Variants in MAPK10 observed in about 807,000 individuals in gnomAD.
MAPK10 encodes JNK3 alpha protein kinase.
Under a neutral mutation model 59.3 loss-of-function variants are expected in MAPK10, and 25 were observed. The ratio of observed to expected loss-of-function variants is 0.42; its 90% CI spans 0.31 to 0.59. The LOEUF is 0.59. Among genes scored for constraint, MAPK10 ranks in the 20% least tolerant of loss-of-function variants. MAPK10 has a pLI of 0.15. For missense variants in MAPK10, 351 were observed against 568.9 expected (o/e 0.62, Z 3.90); for synonymous variants, 190 against 200.5 (o/e 0.95, Z 0.44).
chr4:86,112,142 C>A (rs2057583752), intron 4 of MAPK10, among the ~76,000 whole-genome samples: 1 of 86,708 alleles, frequency 1.2e-5, no homozygotes, highest in Non-Finnish European at 2.7e-5. Flanking sequence ...ATTTTATTAA[C>A]TTTTCCAAAA....
chr4:86,019,821 T>G (rs1000343732), intron 13 of MAPK10, among the ~76,000 whole-genome samples: 1 of 152,226 alleles, frequency 6.6e-6, no homozygotes, highest in Non-Finnish European at 1.5e-5. Context: ...TCTTACTATT[T>G]GTCTGCTGGA....
intron 11 of MAPK10, among the ~76,000 whole-genome samples, chr4:86,054,808 T>C (rs1304377635): frequency 1.3e-5 from 2 of 152,108 alleles, no homozygotes; most frequent in Non-Finnish European, 2.9e-5. Context: ...TGGGTCACAC[T>C]AGCTTTTTCA....
intron 1 of MAPK10, among the ~76,000 whole-genome samples, chr4:86,565,194 T>C (rs1184672761): frequency 6.6e-6 from 1 of 152,170 alleles, no homozygotes; most frequent in Non-Finnish European, 1.5e-5. Context: ...GAATTCACTT[T>C]TAAAAACAGC....
intron 2 of MAPK10, among the ~76,000 whole-genome samples, chr4:86,353,338 T>C (rs538354983): frequency 2.0e-5 from 3 of 152,284 alleles, no homozygotes; most frequent in African/African-American, 7.2e-5. Flanking sequence ...ACATTCTACC[T>C]ACATCACAGA....
intron 1 of MAPK10, among the ~76,000 whole-genome samples, chr4:86,423,770 C>CATATATATATATATATATATATATATAT (rs539111577): frequency 2.2e-5 from 2 of 91,614 alleles, no homozygotes; most frequent in African/African-American, 7.7e-5. Flanking sequence ...GATATATATA[C>CATATATATATATATATATATATATATAT]ATATATATAT....
At chr4:86,548,058 G>A (rs1759391952) in intron 1 of MAPK10, among the ~76,000 whole-genome samples, 1 of 152,128 alleles carries the variant, frequency 6.6e-6, no homozygotes, top group African/African-American at 2.4e-5. Context: ...CCACACTGTG[G>A]AATCTTGGTT....
intron 1 of MAPK10, among the ~76,000 whole-genome samples, chr4:86,522,268 A>G (rs1168384614): frequency 6.6e-6 from 1 of 152,200 alleles, no homozygotes; most frequent in Non-Finnish European, 1.5e-5. Flanking sequence ...GTAGGTGTCA[A>G]GAATGATGGG....
chr4:86,477,854 T>C (rs1173570937), intron 1 of MAPK10, among the ~76,000 whole-genome samples: 1 of 152,138 alleles, frequency 6.6e-6, no homozygotes, highest in East Asian at 1.9e-4. Context: ...TTCTCTACTA[T>C]TCCTTTGCAC....
intron 10 of MAPK10, chr4:86,065,120 C>G (rs1220859984): frequency 1.4e-5 from 2 of 141,274 alleles, no homozygotes; most frequent in Non-Finnish European, 3.1e-5. Flanking sequence ...CCCTACATTG[C>G]CCAAGCTGGT....
intron 1 of MAPK10, among the ~76,000 whole-genome samples, chr4:86,582,291 CT>C (rs1016093091): frequency 6.6e-6 from 1 of 150,964 alleles, no homozygotes; most frequent in Non-Finnish European, 1.5e-5. Flanking sequence ...TTTTTGTTTA[CT>C]TTGTTATAAG....
intron 1 of MAPK10, among the ~76,000 whole-genome samples, chr4:86,413,759 T>G (rs939454610): frequency 6.6e-6 from 1 of 152,172 alleles, no homozygotes; most frequent in Non-Finnish European, 1.5e-5. Flanking sequence ...CGCCAGTCAC[T>G]AAGACTGTGG....
At chr4:86,548,145 C>G (rs560820546) in intron 1 of MAPK10, among the ~76,000 whole-genome samples, 1 of 152,224 alleles carries the variant, frequency 6.6e-6, no homozygotes, top group African/African-American at 2.4e-5. Context: ...TAACACTCAC[C>G]GCGAAGGTCT....
chr4:86,307,895 G>A (rs1232891402), intron 2 of MAPK10, among the ~76,000 whole-genome samples: 3 of 152,148 alleles, frequency 2.0e-5, no homozygotes, highest in Non-Finnish European at 4.4e-5. Flanking sequence ...TAGGACACCA[G>A]CACACAACTG....
chr4:86,424,062 G>C (rs1235692519), intron 1 of MAPK10, among the ~76,000 whole-genome samples: 2 of 151,974 alleles, frequency 1.3e-5, no homozygotes, highest in African/African-American at 4.8e-5. Context: ...AAATATCTAA[G>C]GTGTTTTAGT....
At chr4:86,391,707 A>G (rs1443929638) in intron 1 of MAPK10, among the ~76,000 whole-genome samples, 1 of 152,218 alleles carries the variant, frequency 6.6e-6, no homozygotes, top group African/African-American at 2.4e-5. Context: ...TTCATATGCA[A>G]CAAGACAGAT....
At chr4:86,431,840 A>AAAAATGGCAATATTAGC (rs1458461469) in intron 1 of MAPK10, among the ~76,000 whole-genome samples, 6 of 152,206 alleles carry the variant, frequency 3.9e-5, no homozygotes, top group Non-Finnish European at 7.3e-5. Flanking sequence ...CCGTGTTTAA[A>AAAAATGGCAATATTAGC]AAAATGGCAA....
chr4:86,324,304 G>A lies in MAPK10; in HGVS notation c.-7+30226C>T, dbSNP rs757740298. ...TGCCTGCCTGTAATCCCAGCTACTC[G>A]GGAGGCTGAGGCAGGAGAATCATTT... On this transcript the variant is annotated intron_variant, in intron 2 of 13. Transcript: ENST00000641462. Among the ~76,000 whole-genome samples the A allele has an allele frequency of 5.3e-5, 8 of 152,086 alleles. 1 individual carries two copies. In the South Asian group the frequency reaches 8.3e-4, roughly 16 times the overall value.
Position 86,556,474 on chromosome 4 carries a change from A to T in MAPK10, c.-263+37436T>A, listed in dbSNP as rs148756395. On this transcript the variant is annotated intron_variant, in intron 1 of 4. Coordinates refer to the MAPK10 transcript ENST00000502302. ...ACACATGTGCACCTAAAAGAATTTT[A>T]AAAATTACCTTTATGTAATATTTAG... is the stretch of plus-strand genomic sequence containing the variant. Among the ~76,000 whole-genome samples, 1,237 of 152,298 alleles carry T rather than the reference A, an allele frequency of 8.1e-3. 6 individuals are homozygous for T. Among genetic ancestry groups the T allele is most frequent in the Non-Finnish European group, 0.013 (867 of 67,980 alleles).
chr4:86,392,632 G>T (rs1029409826), intron 1 of MAPK10, among the ~76,000 whole-genome samples: 1 of 152,162 alleles, frequency 6.6e-6, no homozygotes, highest in Non-Finnish European at 1.5e-5. Flanking sequence ...CAGACTAGCA[G>T]ATCAAGTGGA....
Sources: allele counts gnomAD v4.1 joint callset (sites outside exome capture counted in the v4.1 genomes callset), GRCh38; gene constraint gnomAD v4.1.1; transcripts MANE v1.5; gene names NCBI Gene and HGNC (gene_info 2026-07-23, HGNC 2026-07-21).